SMYD2: variants seen among roughly 807,000 people sequenced by gnomAD.
SMYD2 encodes N-lysine methyltransferase SMYD2.
SMYD2 carries 53 observed loss-of-function variants against 59.1 expected under a neutral mutation model. The ratio of observed to expected loss-of-function variants is 0.90; its 90% CI spans 0.72 to 1.13. The LOEUF is 1.13. Ranked by LOEUF, SMYD2 falls within the 50% of genes most tolerant of loss-of-function variation. SMYD2 has a pLI of 0.00. For synonymous variants in SMYD2, 208 were observed against 198.8 expected (o/e 1.05, Z -0.39); for missense variants, 494 against 544.7 (o/e 0.91, Z 0.93).
chr1:214,332,386 A>T, intron 10 of SMYD2, 194 bp downstream of exon 10: 2 of 600,398 alleles, frequency 3.3e-6, no homozygotes, highest in Non-Finnish European at 5.7e-6. Context: ...TCCCAAGGAG[A>T]CAGGTTGAGG....
chr1:214,320,469 TAAAG>T (rs760572336), intron 5 of SMYD2, among the ~76,000 whole-genome samples: 3 of 152,070 alleles, frequency 2.0e-5, no homozygotes, highest in African/African-American at 7.2e-5. Context: ...ATTACACACA[TAAAG>T]AAAGTGGCCA....
At position 214,285,669 on chromosome 1, in the gene SMYD2, T is replaced by G. The variant is rs1359059336; in HGVS notation, c.173+4242T>G. 2.7e-5 allele frequency among the ~76,000 whole-genome samples: 4 copies of G among 150,864 alleles called. No individual in the cohort carries two copies. The East Asian group carries it at 7.7e-4, about 29-fold the overall frequency. On this transcript the variant is annotated intron_variant, in intron 1 of 11. Coordinates refer to ENST00000366957, the MANE Select transcript of SMYD2 (RefSeq NM_020197.3). The stretch of plus-strand genomic sequence containing the variant: ...GGTAAGGAAATGGCTGTTTTCACTT[T>G]CCACCTTTCAGTATTTCAAGGTTTC...
At chr1:214,324,824 G>A in intron 6 of SMYD2, 116 bp downstream of exon 6, 1 of 875,808 alleles carries the variant, frequency 1.1e-6, no homozygotes, top group Non-Finnish European at 1.8e-6. Flanking sequence ...AACTCAAAGT[G>A]AATTAAAACA....
At chr1:214,330,384 C>T in intron 8 of SMYD2, 106 bp downstream of exon 8, 1 of 690,708 alleles carries the variant, frequency 1.4e-6, no homozygotes, top group Non-Finnish European at 2.4e-6. Context: ...TCTTTTTGAC[C>T]CTTTAAACCC....
In SMYD2 at chr1:214,336,829, A is replaced by C; in HGVS notation, c.*45A>C. ...TTTCATTTAAACACTTAGTTCAGAA[A>C]CCTTAAAGGATTTGAATATTTCAAA... On this transcript the variant is annotated 3_prime_UTR_variant, in exon 12 of 12. Transcript: ENST00000366957. 1 of 1,525,888 alleles carries C rather than the reference A, an allele frequency of 6.6e-7. No homozygotes were observed. The highest frequency in any genetic ancestry group is 1.1e-5 in the South Asian group (1 of 87,002). The allele number at this position is 1,525,888 out of a possible 1,614,324, so 94.5% of individuals were successfully genotyped here. A position where few individuals can be genotyped will look rare whatever the true frequency, so the allele number is the denominator to read the frequency against.
intron 1 of SMYD2, among the ~76,000 whole-genome samples, chr1:214,299,386 C>T (rs1025259962): frequency 6.6e-6 from 1 of 151,764 alleles, no homozygotes. Flanking sequence ...CTCAAATGTT[C>T]ATTGCAACAC....
chr1:214,322,954 G>GT lies in SMYD2; in HGVS notation c.535-1686dup, dbSNP rs1349386384. The stretch of plus-strand genomic sequence containing the variant: ...CAAAGCCCATCTGTTGGCCTGAATT[G>GT]TAACAGTGCAGTGTCCCCAAGTGCA... On this transcript the variant is annotated intron_variant, in intron 5 of 11. Coordinates refer to ENST00000366957, the MANE Select transcript of SMYD2 (RefSeq NM_020197.3). Among the ~76,000 whole-genome samples, 5 of 152,322 alleles carry GT rather than the reference G, an allele frequency of 3.3e-5. No homozygotes were observed. The East Asian group carries it at 7.7e-4, about 23-fold the overall frequency.
At chr1:214,281,894 T>C (rs1656456059) in intron 1 of SMYD2, among the ~76,000 whole-genome samples, 1 of 152,222 alleles carries the variant, frequency 6.6e-6, no homozygotes, top group Admixed American at 6.5e-5. Flanking sequence ...GGCCGTTTCT[T>C]CCAAGGAATT....
intron 1 of SMYD2, among the ~76,000 whole-genome samples, chr1:214,296,174 C>G (rs1459139106): frequency 6.6e-6 from 1 of 152,212 alleles, no homozygotes; most frequent in Non-Finnish European, 1.5e-5. Context: ...TGATCTAGAC[C>G]AACAGCACCT....
chr1:214,293,300 C>T (rs999311924), intron 1 of SMYD2, among the ~76,000 whole-genome samples: 1 of 152,140 alleles, frequency 6.6e-6, no homozygotes, highest in African/African-American at 2.4e-5. Context: ...GTGATCTACC[C>T]ACCTTGGCCT....
chr1:214,329,389 T>G (rs1304807921), intron 7 of SMYD2, among the ~76,000 whole-genome samples: 1 of 152,080 alleles, frequency 6.6e-6, no homozygotes, highest in Non-Finnish European at 1.5e-5. Flanking sequence ...AGTCAGACAT[T>G]TGCCTGATTG....
chr1:214,292,089 T>TGAGAGAGAGAGA (rs56410935), intron 1 of SMYD2, among the ~76,000 whole-genome samples: 184 of 145,992 alleles, frequency 1.3e-3, no homozygotes, highest in African/African-American at 4.1e-3. Context: ...TTTTCTAGGG[T>TGAGAGAGAGAGA]GAGAGAGAGA....
intron 1 of SMYD2, among the ~76,000 whole-genome samples, chr1:214,288,508 C>T (rs1021738973): frequency 6.6e-6 from 1 of 152,196 alleles, no homozygotes; most frequent in African/African-American, 2.4e-5. Context: ...GGACTTCACC[C>T]TACATTACTA....
intron 7 of SMYD2, among the ~76,000 whole-genome samples, chr1:214,328,637 T>A (rs146115276): frequency 1.3e-5 from 2 of 152,172 alleles, no homozygotes; most frequent in Non-Finnish European, 2.9e-5. Context: ...CATGCCTGGG[T>A]ATTTGAAGTG....
At chr1:214,335,589 C>G (rs1657423084) in intron 11 of SMYD2, among the ~76,000 whole-genome samples, 1 of 152,152 alleles carries the variant, frequency 6.6e-6, no homozygotes, top group Non-Finnish European at 1.5e-5. Context: ...ATACTTTTTT[C>G]TCTGAGTAAT....
intron 1 of SMYD2, among the ~76,000 whole-genome samples, chr1:214,294,932 G>T (rs978313386): frequency 5.9e-5 from 9 of 152,136 alleles, no homozygotes; most frequent in African/African-American, 2.2e-4. Flanking sequence ...CATTTTCTTT[G>T]ATTTTTAATC....
chr1:214,288,012 C>T (rs1426927015), intron 1 of SMYD2, among the ~76,000 whole-genome samples: 2 of 152,176 alleles, frequency 1.3e-5, no homozygotes, highest in Non-Finnish European at 2.9e-5. Context: ...CTTATAGGGG[C>T]TCAGTGACCA....
chr1:214,329,491 C>T (rs1229764117), intron 7 of SMYD2, among the ~76,000 whole-genome samples: 2 of 152,216 alleles, frequency 1.3e-5, no homozygotes, highest in Non-Finnish European at 2.9e-5. Flanking sequence ...TAGTTACAGA[C>T]CCCATTAGGA....
chr1:214,296,348 C>G (rs1656727126), intron 1 of SMYD2, among the ~76,000 whole-genome samples: 1 of 152,208 alleles, frequency 6.6e-6, no homozygotes, highest in Admixed American at 6.5e-5. Context: ...CAGTAATAAT[C>G]AAATACTTGC....
Sources: allele counts gnomAD v4.1 joint callset (sites outside exome capture counted in the v4.1 genomes callset), GRCh38; gene constraint gnomAD v4.1.1; transcripts MANE v1.5; gene names NCBI Gene and HGNC (gene_info 2026-07-23, HGNC 2026-07-21).